The following NME6 variants were observed in gnomAD, a reference collection of about 807,000 sequenced individuals.
NME6 encodes nucleoside diphosphate kinase 6, mitochondrial.
A neutral mutation model predicts 22.2 loss-of-function variants in NME6; 16 were observed. The observed-to-expected ratio is 0.72, with a 90% confidence interval of 0.49 to 1.09. The LOEUF is 1.09. NME6 is among the 50% of genes least tolerant of loss of function. NME6 has a pLI of 0.00. For missense variants in NME6, 229 were observed against 239.0 expected (o/e 0.96, Z 0.28); for synonymous variants, 58 against 85.2 (o/e 0.68, Z 1.76).
chr3:48,298,359 G>C (rs1222332246), intron 2 of NME6, 68 bp downstream of exon 2: 5 of 1,339,950 alleles, frequency 3.7e-6, no homozygotes, highest in Non-Finnish European at 5.4e-6. Flanking sequence ...CACCATAAAT[G>C]GCCCAATGGC....
At chr3:48,301,096 G>T (rs572979043) in intron 1 of NME6, among the ~76,000 whole-genome samples, 1 of 152,188 alleles carries the variant, frequency 6.6e-6, no homozygotes, top group South Asian at 2.1e-4. Flanking sequence ...CCCAGCACTC[G>T]AGGGGGCCAC....
intron 1 of NME6, chr3:48,299,042 C>A: frequency 2.9e-6 from 2 of 701,160 alleles, no homozygotes; most frequent in Non-Finnish European, 5.2e-6. Flanking sequence ...GGATAAACAC[C>A]ATCTCTATTC....
downstream of NME6, among the ~76,000 whole-genome samples, chr3:48,289,593 C>T (rs2034321584): frequency 1.3e-5 from 2 of 152,292 alleles, no homozygotes; most frequent in Non-Finnish European, 2.9e-5. Flanking sequence ...CCTGGCTGCT[C>T]CTCCCTTACA....
chr3:48,301,102 GC>G (rs746854467), intron 1 of NME6, among the ~76,000 whole-genome samples: 55 of 152,066 alleles, frequency 3.6e-4, no homozygotes, highest in Non-Finnish European at 6.9e-4. Flanking sequence ...ACTCGAGGGG[GC>G]CACCACTCGC....
intron 2 of NME6, chr3:48,297,985 G>C (rs1343388313): frequency 4.5e-6 from 1 of 224,524 alleles, no homozygotes; most frequent in African/African-American, 2.4e-5. Flanking sequence ...ACCTGAATGA[G>C]TCTGGAAGTG....
At chr3:48,295,448 G>A (rs2034985496) in intron 4 of NME6, 1 of 545,338 alleles carries the variant, frequency 1.8e-6, no homozygotes, top group Non-Finnish European at 3.2e-6. Context: ...CAGCATTCAA[G>A]GGGACTCTTC....
chr3:48,294,437 C>T lies in NME6; in HGVS notation c.*200G>A. ...AAAGAGGAGTCATCATTCTTCTGAA[C>T]CACCATAAACATTCCAGAGAAGAGG... On this transcript the variant is annotated 3_prime_UTR_variant, in exon 6 of 6. Transcript: ENST00000442597. 1.9e-6 allele frequency: 1 copy of T among 532,074 alleles called. No individual in the cohort carries two copies. Among genetic ancestry groups the T allele is most frequent in the Admixed American group, 3.0e-5 (1 of 32,852 alleles). 33.0% of individuals were successfully genotyped at this position (532,074 alleles called of 1,614,324 possible). A position where few individuals can be genotyped will look rare whatever the true frequency, so the allele number is the denominator to read the frequency against.
chr3:48,301,167 C>T, intron 1 of NME6, 186 bp downstream of exon 1: 6 of 1,189,108 alleles, frequency 5.0e-6, no homozygotes, highest in Non-Finnish European at 6.9e-6. Context: ...CCGGGACCTG[C>T]GCCCCTACCC....
At chr3:48,292,006 C>G (rs931035520), downstream of NME6, 3 of 152,240 alleles carry the variant, frequency 2.0e-5, no homozygotes, top group Non-Finnish European at 4.4e-5. Flanking sequence ...ACCTTGTGAT[C>G]CGCCCGCCTT....
At chr3:48,300,951 G>A (rs2107037422) in intron 1 of NME6, among the ~76,000 whole-genome samples, 1 of 152,268 alleles carries the variant, frequency 6.6e-6, no homozygotes, top group Admixed American at 6.5e-5. Context: ...GGGAGGCTGA[G>A]GCAGGAGCAT....
rs373260202 is a variant in NME6, at chr3:48,298,279, C to G, written c.90+148G>C. On this transcript the variant is annotated intron_variant, in intron 2 of 5. Transcript: ENST00000442597. ...CTCAAGTCTCCAATGGATTCTTAGT[C>G]TCCTTAGGTCAGAGTTCATGGCTTC... 56 of 709,096 alleles carry G rather than the reference C, an allele frequency of 7.9e-5. 1 individual carries two copies. The highest frequency in any genetic ancestry group is 4.1e-4 in the East Asian group (15 of 36,978). 43.9% of individuals were successfully genotyped at this position (709,096 alleles called of 1,614,324 possible).
At chr3:48,301,267 C>A (rs1184113980) in intron 1 of NME6, 86 bp downstream of exon 1, 9 of 1,594,218 alleles carry the variant, frequency 5.6e-6, no homozygotes, top group Non-Finnish European at 6.8e-6. Context: ...GCGCAGCCCT[C>A]ACCCCTCGTA....
At chr3:48,288,319 G>A (rs932977783), downstream of NME6, among the ~76,000 whole-genome samples, 1 of 150,706 alleles carries the variant, frequency 6.6e-6, no homozygotes, top group Non-Finnish European at 1.5e-5. Flanking sequence ...AGGTGGCAGT[G>A]AGCAGAGATC....
chr3:48,299,030 C>A, intron 1 of NME6: 2 of 702,312 alleles, frequency 2.8e-6, no homozygotes, highest in South Asian at 1.5e-5. Context: ...AAAAAGTCTG[C>A]TGGATAAACA....
intron 2 of NME6, chr3:48,298,146 T>C: frequency 2.3e-6 from 1 of 437,092 alleles, no homozygotes; most frequent in Non-Finnish European, 4.2e-6. Flanking sequence ...TTTTAAGCTC[T>C]CAAGTCTGGA....
In NME6 at chr3:48,298,460, C is replaced by A; in HGVS notation, c.57G>T (p.Lys19Asn). 6.2e-7 allele frequency: 1 copy of A among 1,614,040 alleles called. No individual in the cohort carries two copies. Reference protein sequence around the residue: ...QALQLTLALIKPDAVAHPLIL... With the variant: ...QALQLTLALINPDAVAHPLIL... ...TCAGTGGATGGGCGACTGCGTCAGG[C>A]TTGATCAGGGCTAGAGTGAGCTGGA... Residue 19 changes from lysine to asparagine, a missense_variant, in exon 2 of 6, where the codon AAG becomes AAT. Coordinates refer to ENST00000442597, the MANE Select transcript of NME6 (RefSeq NM_001308426.2).
At chr3:48,295,015 C>G (rs1486020815) in intron 5 of NME6, 60 bp downstream of exon 5, 7 of 1,563,868 alleles carry the variant, frequency 4.5e-6, no homozygotes, top group Admixed American at 3.5e-5. Flanking sequence ...GCTGTCAACT[C>G]TACCACACAG....
chr3:48,296,778 C>A lies in NME6; in HGVS notation c.142G>T (p.Glu48Ter). The change falls in exon 3 of 6, where the codon GAA (glutamate) becomes TAA (stop). Residue 48 changes from glutamate (E) to a stop codon, truncating the protein, a stop_gained. Coordinates refer to ENST00000442597, the MANE Select transcript of NME6 (RefSeq NM_001308426.2). LOFTEE classifies it high-confidence loss of function. Reference sequence around the variant, plus strand: ...CAATCTTCCTTTCTCCACAGTAGTTCTCTCATTCGTACAATCAGGAACTTG... The same window carrying A: ...CAATCTTCCTTTCTCCACAGTAGTTATCTCATTCGTACAATCAGGAACTTG... ...SNKFLIVRMR[E>*]LLWRKEDCQR... 1 of 1,613,808 alleles carries A rather than the reference C, an allele frequency of 6.2e-7. No homozygotes were observed. Among genetic ancestry groups the A allele is most frequent in the Non-Finnish European group, 8.5e-7 (1 of 1,179,972 alleles).
At position 48,294,405 on chromosome 3, in the gene NME6, T is replaced by G. The variant is rs1242841643; in HGVS notation, c.*232A>C. ...TTCTTCTTGAAGAAGGATGAACAGT[T>G]CTCAGCAAAGAGGAGTCATCATTCT... On this transcript the variant is annotated 3_prime_UTR_variant, in exon 6 of 6. Coordinates refer to ENST00000442597, the MANE Select transcript of NME6 (RefSeq NM_001308426.2). 5 of 469,936 alleles carry G rather than the reference T, an allele frequency of 1.1e-5. No individual in the cohort carries two copies. The highest frequency in any genetic ancestry group is 1.9e-5 in the Non-Finnish European group (5 of 258,244). 29.1% of individuals were successfully genotyped at this position (469,936 alleles called of 1,614,324 possible).
Sources: gnomAD v4.1 joint callset for allele counts (sites outside exome capture counted in the v4.1 genomes callset) on GRCh38, gnomAD v4.1.1 for gene constraint, MANE v1.5 for transcripts, NCBI Gene and HGNC (gene_info 2026-07-23, HGNC 2026-07-21) for gene names.